The following MYO3B variants were observed in gnomAD, a reference collection of about 807,000 sequenced individuals.
MYO3B encodes the protein myosin-IIIb.
Under a neutral mutation model 174.6 loss-of-function variants are expected in MYO3B, and 156 were observed. That is an observed-to-expected ratio of 0.89 (90% confidence interval 0.78 to 1.02). MYO3B has a LOEUF of 1.02. MYO3B is among the 50% of genes least tolerant of loss of function. The pLI is 0.00. For synonymous variants in MYO3B, 563 were observed against 569.1 expected (o/e 0.99, Z 0.15); for missense variants, 1,632 against 1,639.4 (o/e 1.00, Z 0.08).
intron 32 of MYO3B, among the ~76,000 whole-genome samples, chr2:170,622,794 T>G (rs527546760): frequency 1.4e-5 from 2 of 146,694 alleles, no homozygotes; most frequent in African/African-American, 5.0e-5. Flanking sequence ...CATTGTTCAA[T>G]TCCCACCTAT....
chr2:170,559,795 C>A (rs1691584158), intron 32 of MYO3B, among the ~76,000 whole-genome samples: 1 of 152,090 alleles, frequency 6.6e-6, no homozygotes, highest in African/African-American at 2.4e-5. Flanking sequence ...ACCATCACCC[C>A]CACACTCACT....
intron 9 of MYO3B, among the ~76,000 whole-genome samples, chr2:170,374,302 G>T (rs2094271857): frequency 6.6e-6 from 1 of 152,092 alleles, no homozygotes; most frequent in Non-Finnish European, 1.5e-5. Context: ...ACACCAGACT[G>T]GCTTATTGAC....
intron 32 of MYO3B, among the ~76,000 whole-genome samples, chr2:170,580,005 A>G (rs954521985): frequency 3.9e-5 from 6 of 152,228 alleles, no homozygotes; most frequent in Non-Finnish European, 8.8e-5. Flanking sequence ...ACTCTTTTCT[A>G]AAGTGCTATT....
chr2:170,559,083 T>C (rs541171082), intron 32 of MYO3B, among the ~76,000 whole-genome samples: 3 of 152,302 alleles, frequency 2.0e-5, no homozygotes, highest in African/African-American at 7.2e-5. Context: ...AGATTTAAGA[T>C]TGTAGAAGCT....
At chr2:170,390,795 T>G (rs1011423980) in intron 14 of MYO3B, among the ~76,000 whole-genome samples, 2 of 152,162 alleles carry the variant, frequency 1.3e-5, no homozygotes, top group African/African-American at 4.8e-5. Context: ...CATTTTGAAC[T>G]AATACCTTTG....
At chr2:170,627,934 G>A (rs866629180) in intron 32 of MYO3B, among the ~76,000 whole-genome samples, 8 of 152,170 alleles carry the variant, frequency 5.3e-5, no homozygotes, top group South Asian at 2.1e-4. Context: ...GGGGTACCTC[G>A]CCATGTGACA....
At chr2:170,581,324 G>A (rs1693137196) in intron 32 of MYO3B, among the ~76,000 whole-genome samples, 1 of 151,970 alleles carries the variant, frequency 6.6e-6, no homozygotes, top group Non-Finnish European at 1.5e-5. Context: ...CATGTCCTTT[G>A]TCCATTTTTC....
At chr2:170,532,737 A>G (rs1025351927) in intron 30 of MYO3B, among the ~76,000 whole-genome samples, 2 of 149,982 alleles carry the variant, frequency 1.3e-5, no homozygotes, top group African/African-American at 4.9e-5. Flanking sequence ...AATCACTTGA[A>G]CCTGGGAGGT....
At position 170,653,351 on chromosome 2, in the gene MYO3B, A is replaced by G; in HGVS notation, c.*230A>G. 1 of 546,514 alleles carries G rather than the reference A, an allele frequency of 1.8e-6. No homozygotes were observed. Among genetic ancestry groups the G allele is most frequent in the Non-Finnish European group, 3.2e-6 (1 of 309,528 alleles). The allele number at this position is 546,514 out of a possible 1,614,324, so 33.9% of individuals were successfully genotyped here. On this transcript the variant is annotated 3_prime_UTR_variant, in exon 35 of 35. Coordinates refer to ENST00000408978, the MANE Select transcript of MYO3B (RefSeq NM_138995.5). ...GGGCGCTGCCTTCCTTTCTCATCCC[A>G]TGGGGCCCTGTGGGACACTGAGAAC...
chr2:170,308,580 A>G (rs543667576), intron 7 of MYO3B, among the ~76,000 whole-genome samples: 18 of 152,300 alleles, frequency 1.2e-4, no homozygotes, highest in African/African-American at 3.9e-4. Flanking sequence ...CTCTGGGTGC[A>G]TCCAGGTCTC....
At chr2:170,188,820 AG>A (rs1427560755) in intron 1 of MYO3B, among the ~76,000 whole-genome samples, 1 of 152,076 alleles carries the variant, frequency 6.6e-6, no homozygotes, top group Non-Finnish European at 1.5e-5. Flanking sequence ...TGTCTTGAAA[AG>A]TTGCTGTAGT....
At chr2:170,471,644 T>C (rs1238758887) in intron 25 of MYO3B, among the ~76,000 whole-genome samples, 1 of 152,182 alleles carries the variant, frequency 6.6e-6, no homozygotes, top group African/African-American at 2.4e-5. Flanking sequence ...CACCATTTTG[T>C]TGAAAATACT....
chr2:170,644,567 G>GT (rs1247488891), intron 32 of MYO3B: 1 of 152,374 alleles, frequency 6.6e-6, no homozygotes, highest in African/African-American at 2.4e-5. Context: ...GATTACAGGC[G>GT]TGAGCCACTG....
intron 3 of MYO3B, among the ~76,000 whole-genome samples, chr2:170,210,986 G>A (rs1168511532): frequency 6.6e-6 from 1 of 152,104 alleles, no homozygotes; most frequent in Admixed American, 6.5e-5. Flanking sequence ...CCTCTGGGTG[G>A]GGCCCTTTAA....
chr2:170,645,129 T>C (rs767491748), intron 32 of MYO3B, among the ~76,000 whole-genome samples: 1 of 152,172 alleles, frequency 6.6e-6, no homozygotes, highest in Non-Finnish European at 1.5e-5. Flanking sequence ...ATAAGCCACT[T>C]TGAGAATATG....
intron 7 of MYO3B, among the ~76,000 whole-genome samples, chr2:170,315,371 G>T (rs975100105): frequency 1.4e-4 from 21 of 151,448 alleles, no homozygotes; most frequent in African/African-American, 5.1e-4. Context: ...GAGTGCAGTG[G>T]CACGATCTCA....
intron 7 of MYO3B, among the ~76,000 whole-genome samples, chr2:170,252,656 T>A (rs188883221): frequency 6.6e-6 from 1 of 152,254 alleles, no homozygotes; most frequent in Non-Finnish European, 1.5e-5. Flanking sequence ...AAATAAATAA[T>A]ATGCTAGGTG....
intron 25 of MYO3B, among the ~76,000 whole-genome samples, chr2:170,483,360 C>T (rs1685815371): frequency 6.8e-6 from 1 of 146,640 alleles, no homozygotes; most frequent in Non-Finnish European, 1.5e-5. Flanking sequence ...AATTAAAACT[C>T]CTTGCTTGGG....
chr2:170,493,874 A>G (rs1686663799), intron 25 of MYO3B, among the ~76,000 whole-genome samples: 1 of 152,156 alleles, frequency 6.6e-6, no homozygotes. Context: ...GCCAGTGAGG[A>G]ATAGAATCTT....
Sources: allele counts gnomAD v4.1 joint callset (sites outside exome capture counted in the v4.1 genomes callset), GRCh38; gene constraint gnomAD v4.1.1; transcripts MANE v1.5; gene names NCBI Gene and HGNC (gene_info 2026-07-23, HGNC 2026-07-21).